Variants in RNF220 observed in about 807,000 individuals in gnomAD.
RNF220 encodes ring finger protein 220, also known as E3 ubiquitin-protein ligase RNF220.
A neutral mutation model predicts 67.1 loss-of-function variants in RNF220; 7 were observed. That is an observed-to-expected ratio of 0.10 (90% CI 0.06 to 0.20). The LOEUF (loss-of-function observed/expected upper bound fraction) is 0.20, where lower values mean the gene tolerates loss of function less well. Among genes scored for constraint, RNF220 ranks in the 10% least tolerant of loss-of-function variants. The probability of loss-of-function intolerance (pLI) is 1.00; values close to 1 mark genes in which losing one functional copy is unlikely to be tolerated. For synonymous variants in RNF220, 270 were observed against 283.2 expected (o/e 0.95, Z 0.47); for missense variants, 565 against 740.3 (o/e 0.76, Z 2.75).
At chr1:44,515,676 G>A (rs1659399238) in intron 2 of RNF220, among the ~76,000 whole-genome samples, 2 of 152,086 alleles carry the variant, frequency 1.3e-5, no homozygotes, top group Admixed American at 6.5e-5. Context: ...GGGGAAAATG[G>A]CTAACATTCC....
chr1:44,459,271 A>G (rs1379447382), intron 2 of RNF220, among the ~76,000 whole-genome samples: 1 of 151,914 alleles, frequency 6.6e-6, no homozygotes, highest in Non-Finnish European at 1.5e-5. Context: ...GTGTTTATCT[A>G]TTGAGTAATC....
upstream of RNF220, chr1:44,405,230 C>CGAGTCCCTGGGA: frequency 2.8e-6 from 1 of 355,748 alleles, no homozygotes; most frequent in Non-Finnish European, 5.1e-6. Flanking sequence ...TGTGTGTCTC[C>CGAGTCCCTGGGA]GAGTCCCTGG....
intron 2 of RNF220, among the ~76,000 whole-genome samples, chr1:44,586,382 C>T (rs752587969): frequency 2.8e-4 from 43 of 151,990 alleles, no homozygotes; most frequent in Non-Finnish European, 4.4e-4. Flanking sequence ...TGACAAGGTC[C>T]CCGGATCAGG....
At chr1:44,532,619 C>A (rs1660917716) in intron 2 of RNF220, among the ~76,000 whole-genome samples, 1 of 152,134 alleles carries the variant, frequency 6.6e-6, no homozygotes, top group South Asian at 2.1e-4. Flanking sequence ...GACTTCAAAG[C>A]CTTGCTTTGT....
At chr1:44,497,506 G>A (rs1171518420) in intron 2 of RNF220, among the ~76,000 whole-genome samples, 1 of 152,146 alleles carries the variant, frequency 6.6e-6, no homozygotes, top group Non-Finnish European at 1.5e-5. Context: ...ATCAGGGTGT[G>A]ATCAGCCCAC....
chr1:44,649,597 C>G lies in RNF220; in HGVS notation c.1446-64C>G, dbSNP rs1282551999. On this transcript the variant is annotated intron_variant, in intron 12 of 14. Coordinates refer to ENST00000361799, the MANE Select transcript of RNF220 (RefSeq NM_018150.4). This position sits in a 1 kb window ranked among gnomAD's most constrained non-coding sequence, Gnocchi z 5.9. ...ATTTGGTTCTGGAATTCAAGGGAGG[C>G]GTAGGCTGGAGGTACAGATGAGAGA... is the stretch of plus-strand genomic sequence containing the variant. 7.0e-7 allele frequency: 1 copy of G among 1,436,506 alleles called. No homozygotes were observed. Among genetic ancestry groups the G allele is most frequent in the East Asian group, 2.3e-5 (1 of 43,982 alleles). 89.0% of individuals were successfully genotyped at this position (1,436,506 alleles called of 1,614,324 possible).
rs56978327 is a variant in RNF220 at position 44,502,052 on chromosome 1, A to AACACACAC, written c.625+89371_625+89378dup. 6.5e-3 allele frequency among the ~76,000 whole-genome samples: 792 copies of AACACACAC among 121,826 alleles called. 14 individuals carry two copies. Among genetic ancestry groups the AACACACAC allele is most frequent in the African/African-American group, 9.3e-3 (292 of 31,494 alleles). 79.9% of individuals were successfully genotyped at this position (121,826 alleles called of 152,430 possible). ...TCCCCAGCTGACTTCACACCACTGAAACACACACACACACACACACACACA... is the reference window on the plus strand; with the variant it reads ...TCCCCAGCTGACTTCACACCACTGAAACACACACACACACACACACACACACACACACA... On this transcript the variant is annotated intron_variant, in intron 2 of 14. Transcript: ENST00000361799.
chr1:44,482,683 A>G (rs112830640), intron 2 of RNF220, among the ~76,000 whole-genome samples: 15,067 of 151,840 alleles, frequency 0.099, 2,194 homozygotes, highest in African/African-American at 0.32. Flanking sequence ...GTGCCGTGGC[A>G]CAATCTCAGC....
chr1:44,605,296 CAAA>C (rs1553120199), intron 2 of RNF220, among the ~76,000 whole-genome samples: 5 of 52,094 alleles, frequency 9.6e-5, no homozygotes, highest in Admixed American at 1.8e-4. Context: ...GACTCCGTCT[CAAA>C]AAAAAAAAAA....
At chr1:44,477,743 G>T (rs1655420498) in intron 2 of RNF220, among the ~76,000 whole-genome samples, 1 of 152,162 alleles carries the variant, frequency 6.6e-6, no homozygotes. Context: ...TTCTCTCCAG[G>T]AGGACCAAGC....
chr1:44,460,568 G>T (rs1238692003), intron 2 of RNF220, among the ~76,000 whole-genome samples: 2 of 152,166 alleles, frequency 1.3e-5, no homozygotes, highest in African/African-American at 4.8e-5. Flanking sequence ...AGAGTTCTTC[G>T]ATCATTGAGG....
chr1:44,471,824 CA>C (rs57392350), intron 2 of RNF220, among the ~76,000 whole-genome samples: 50,055 of 148,896 alleles, frequency 0.34, 9,666 homozygotes, highest in East Asian at 0.56. Flanking sequence ...AACTCCATCT[CA>C]AAAAAAAAAG....
chr1:44,530,404 C>G (rs1454355193), intron 2 of RNF220, among the ~76,000 whole-genome samples: 4 of 151,906 alleles, frequency 2.6e-5, no homozygotes, highest in Non-Finnish European at 5.9e-5. Flanking sequence ...TTGTCTTTCA[C>G]AAATGCAGAT....
chr1:44,597,962 CCA>C (rs1171933760), intron 2 of RNF220, among the ~76,000 whole-genome samples: 19 of 140,686 alleles, frequency 1.4e-4, no homozygotes, highest in East Asian at 4.4e-4. Context: ...CCCACCCCAC[CCA>C]CCTCTCTCTC....
chr1:44,429,177 A>AG (rs1384093091), intron 2 of RNF220, among the ~76,000 whole-genome samples: 2 of 152,142 alleles, frequency 1.3e-5, no homozygotes, highest in Non-Finnish European at 2.9e-5. Context: ...GCTTAAAAAA[A>AG]AAGCTGGGGG....
chr1:44,453,150 T>G (rs1474793420), intron 2 of RNF220, among the ~76,000 whole-genome samples: 1 of 152,230 alleles, frequency 6.6e-6, no homozygotes, highest in African/African-American at 2.4e-5. Context: ...AGGATTAATT[T>G]TTGTGGCTGA....
At chr1:44,623,283 G>T (rs768014045) in intron 4 of RNF220, among the ~76,000 whole-genome samples, 10 of 152,298 alleles carry the variant, frequency 6.6e-5, no homozygotes, top group Non-Finnish European at 1.0e-4. Context: ...GAAGAGGCTG[G>T]ACTCTTTTGG....
Position 44,650,730 on chromosome 1 carries a change from C to T in RNF220, c.1656C>T (p.Cys552=). 1 of 1,613,300 alleles carries T rather than the reference C, an allele frequency of 6.2e-7. No individual in the cohort carries two copies. The highest frequency in any genetic ancestry group is 8.5e-7 in the Non-Finnish European group (1 of 1,179,760). The change falls in exon 15 of 15, where the codon TGC becomes TGT. Residue 552 remains cysteine, a synonymous_variant. Transcript: ENST00000361799. The surrounding 1 kb of genome is among the most constrained non-coding windows in gnomAD (Gnocchi z 4.3). Reference sequence around the variant, plus strand: ...GTGCCAAGAAGCTCTGCCCTCAGTGCAACACGATCACAGCGCCCGGAGACC... The same window carrying T: ...GTGCCAAGAAGCTCTGCCCTCAGTGTAACACGATCACAGCGCCCGGAGACC... ...TLGAKKLCPQ[C]NTITAPGDLR...
rs1666839533 is a variant in RNF220 at position 44,600,375 on chromosome 1, G to A, written c.626-13790G>A. ...GAAGTGAATGATGACAAGGGCAATA[G>A]CTAACATCAGAGGCAGCAGAATAGC... is the stretch of plus-strand genomic sequence containing the variant. On this transcript the variant is annotated intron_variant, in intron 2 of 14. Coordinates refer to ENST00000361799, the MANE Select transcript of RNF220 (RefSeq NM_018150.4). The surrounding 1 kb of genome is among the most constrained non-coding windows in gnomAD (Gnocchi z 4.0). 6.6e-6 allele frequency among the ~76,000 whole-genome samples: 1 copy of A among 152,176 alleles called. No homozygotes were observed. Among genetic ancestry groups the A allele is most frequent in the Admixed American group, 6.5e-5 (1 of 15,278 alleles).
Sources: allele counts gnomAD v4.1 joint callset (sites outside exome capture counted in the v4.1 genomes callset), GRCh38; gene constraint gnomAD v4.1.1; non-coding constraint Gnocchi (gnomAD v3.1); transcripts MANE v1.5; gene names NCBI Gene and HGNC (gene_info 2026-07-23, HGNC 2026-07-21).